PLEKHA7: variants seen among roughly 807,000 people sequenced by gnomAD.
The protein encoded by PLEKHA7 is pleckstrin homology domain containing A7.
In PLEKHA7, 104 loss-of-function variants were observed where a neutral mutation model predicts 170.0. The observed-to-expected ratio is 0.61, with a 90% CI of 0.52 to 0.72. PLEKHA7 has a LOEUF of 0.72. PLEKHA7 is among the 30% of genes least tolerant of loss of function. The pLI, the probability that PLEKHA7 is intolerant of heterozygous loss-of-function variation, is 0.00. For synonymous variants in PLEKHA7, 648 were observed against 660.8 expected, an observed-to-expected ratio of 0.98 and a Z score of 0.30; for missense variants, 1,615 against 1,671.7, an observed-to-expected ratio of 0.97 and a Z score of 0.59.
chr11:16,877,852 T>C (rs1855420578), intron 3 of PLEKHA7, among the ~76,000 whole-genome samples: 1 of 152,160 alleles, frequency 6.6e-6, no homozygotes, highest in African/African-American at 2.4e-5. Flanking sequence ...GGGATAAAAA[T>C]GTCCCTCCAA....
intron 4 of PLEKHA7, among the ~76,000 whole-genome samples, chr11:16,864,429 T>C (rs951385610): frequency 1.3e-5 from 2 of 152,194 alleles, no homozygotes; most frequent in African/African-American, 4.8e-5. Context: ...GGTAAAATAC[T>C]TCATTTAATG....
At chr11:16,884,607 C>G (rs886124487) in intron 3 of PLEKHA7, among the ~76,000 whole-genome samples, 7 of 151,534 alleles carry the variant, frequency 4.6e-5, no homozygotes, top group Admixed American at 3.9e-4. Context: ...TGCACTCCAG[C>G]CTGGACAACA....
At chr11:16,857,830 T>A (rs1054696403) in intron 4 of PLEKHA7, among the ~76,000 whole-genome samples, 8 of 152,252 alleles carry the variant, frequency 5.3e-5, no homozygotes, top group African/African-American at 1.9e-4. Context: ...GTGATTCTCC[T>A]GCCTCAGCCT....
chr11:16,845,288 C>T (rs1852300924), intron 8 of PLEKHA7, among the ~76,000 whole-genome samples: 1 of 152,182 alleles, frequency 6.6e-6, no homozygotes, highest in African/African-American at 2.4e-5. Context: ...CAGGGCCTTG[C>T]AGATCATATA....
At position 16,791,002 on chromosome 11, in the gene PLEKHA7, C is replaced by T. The variant is rs772068306; in HGVS notation, c.2934+9G>A. The T allele has an allele frequency of 2.5e-6, 4 of 1,614,038 alleles. No individual in the cohort carries two copies. The African/African-American group carries it at 5.3e-5, about 22-fold the overall frequency. On this transcript the variant is annotated intron_variant, in intron 20 of 26. Transcript: ENST00000531066. This position sits in a 1 kb window ranked among gnomAD's most constrained non-coding sequence, Gnocchi z 4.5. ...ATGTAGAGTGGCAGCCCCAGGGTCC[C>T]CCGCTCACCCTGGAATCCCCATTCA...
intron 3 of PLEKHA7, among the ~76,000 whole-genome samples, chr11:16,906,649 T>C (rs1415669755): frequency 7.2e-6 from 1 of 138,476 alleles, no homozygotes; most frequent in Admixed American, 7.1e-5. Context: ...CAGGCTGGAG[T>C]GCAGTGGCGT....
rs747892731 is a variant in PLEKHA7 at position 16,801,834 on chromosome 11, C to CA, written c.2158-18dup. 4.3e-6 allele frequency: 7 copies of CA among 1,612,260 alleles called. No homozygotes were observed. The East Asian group carries it at 1.1e-4, about 26-fold the overall frequency. On this transcript the variant is annotated splice_polypyrimidine_tract_variant and intron_variant, in intron 15 of 26. Transcript: ENST00000531066. ...TAGCTGGTCCTGCACCACGAAGGGCCAAAAAACAGCAGGATAGGAGGACAG... is the reference window on the plus strand; with the variant it reads ...TAGCTGGTCCTGCACCACGAAGGGCCAAAAAAACAGCAGGATAGGAGGACAG...
At chr11:16,903,203 C>T (rs1255977940) in intron 3 of PLEKHA7, among the ~76,000 whole-genome samples, 2 of 152,154 alleles carry the variant, frequency 1.3e-5, no homozygotes, top group African/African-American at 4.8e-5. Context: ...GCTACTGAAC[C>T]CTGACTGAAC....
intron 3 of PLEKHA7, among the ~76,000 whole-genome samples, chr11:16,983,906 G>A (rs575054720): frequency 1.3e-5 from 2 of 151,984 alleles, no homozygotes; most frequent in East Asian, 1.9e-4. Context: ...GGCAAGACCC[G>A]GTCTCTACAA....
chr11:16,785,704 G>A (rs1453330313), intron 24 of PLEKHA7, among the ~76,000 whole-genome samples: 1 of 152,096 alleles, frequency 6.6e-6, no homozygotes, highest in Non-Finnish European at 1.5e-5. Context: ...GCCACCAGAG[G>A]GCACCAGAAG....
intron 3 of PLEKHA7, among the ~76,000 whole-genome samples, chr11:16,983,922 A>C (rs1417751466): frequency 6.6e-6 from 1 of 152,164 alleles, no homozygotes; most frequent in Non-Finnish European, 1.5e-5. Context: ...TACAAAAAAA[A>C]ATTAACAATT....
At chr11:16,897,708 C>T (rs992417541) in intron 3 of PLEKHA7, among the ~76,000 whole-genome samples, 8 of 152,176 alleles carry the variant, frequency 5.3e-5, no homozygotes, top group African/African-American at 9.6e-5. Context: ...CTCACATATG[C>T]CATTTTGCTT....
chr11:16,787,467 A>G (rs1640523942), intron 23 of PLEKHA7: 1 of 152,496 alleles, frequency 6.6e-6, no homozygotes, highest in African/African-American at 2.4e-5. Flanking sequence ...GTTGGAAAGG[A>G]TTAGGCAACT....
At chr11:16,862,996 C>G (rs943610098) in intron 4 of PLEKHA7, among the ~76,000 whole-genome samples, 1 of 152,160 alleles carries the variant, frequency 6.6e-6, no homozygotes, top group African/African-American at 2.4e-5. Flanking sequence ...CAGGGCTCAG[C>G]AGATGAGCAA....
intron 9 of PLEKHA7, among the ~76,000 whole-genome samples, chr11:16,829,306 T>C (rs1325018397): frequency 2.0e-5 from 3 of 152,108 alleles, no homozygotes; most frequent in Non-Finnish European, 4.4e-5. Context: ...TGAGCCACCC[T>C]GCCGGGGGCC....
At chr11:16,982,066 C>A (rs1411531411) in intron 3 of PLEKHA7, among the ~76,000 whole-genome samples, 2 of 152,338 alleles carry the variant, frequency 1.3e-5, no homozygotes, top group South Asian at 2.1e-4. Context: ...GCAGGTCTGC[C>A]AGAAGGTTCC....
chr11:16,956,351 G>C (rs1861703942), intron 3 of PLEKHA7, among the ~76,000 whole-genome samples: 1 of 152,158 alleles, frequency 6.6e-6, no homozygotes, highest in South Asian at 2.1e-4. Flanking sequence ...TTCTGTACCA[G>C]GCACTAGCAA....
intron 3 of PLEKHA7, among the ~76,000 whole-genome samples, chr11:16,925,429 CCAGACA>C (rs1859443608): frequency 6.6e-6 from 1 of 152,198 alleles, no homozygotes; most frequent in Admixed American, 6.5e-5. Context: ...ACGCCCGCGC[CCAGACA>C]CAAAGCACCC....
intron 1 of PLEKHA7, 25 bp downstream of exon 1, chr11:17,014,291 G>A: frequency 9.0e-7 from 1 of 1,115,080 alleles, no homozygotes; most frequent in Non-Finnish European, 1.2e-6. Context: ...CCGCGTCCCC[G>A]CGTCCCCGGG....
Sources: allele counts gnomAD v4.1 joint callset (sites outside exome capture counted in the v4.1 genomes callset), GRCh38; gene constraint gnomAD v4.1.1; non-coding constraint Gnocchi (gnomAD v3.1); transcripts MANE v1.5; gene names NCBI Gene and HGNC (gene_info 2026-07-23, HGNC 2026-07-21).